Variants in CEBPZ observed in about 807,000 individuals in gnomAD.
The protein encoded by CEBPZ is CCAAT enhancer binding protein zeta.
CEBPZ carries 78 observed loss-of-function variants against 104.5 expected under a neutral mutation model. The ratio of observed to expected loss-of-function variants is 0.75; its 90% CI spans 0.62 to 0.90. The LOEUF (loss-of-function observed/expected upper bound fraction) is 0.90, where lower values mean the gene tolerates loss of function less well. Among genes scored for constraint, CEBPZ ranks in the 40% least tolerant of loss-of-function variants. The pLI, the probability that CEBPZ is intolerant of heterozygous loss-of-function variation, is 0.00. For synonymous variants in CEBPZ, 470 were observed against 427.0 expected (o/e 1.10, Z -1.24); for missense variants, 1,439 against 1,233.5 (o/e 1.17, Z -2.50).
At position 37,228,262 on chromosome 2, in the gene CEBPZ, G is replaced by C; in HGVS notation, c.931C>G (p.Pro311Ala). The C allele has an allele frequency of 6.2e-7, 1 of 1,614,162 alleles. No homozygotes were observed. The highest frequency in any genetic ancestry group is 1.7e-5 in the Admixed American group (1 of 60,006). The change falls in exon 2 of 16, where the codon CCT (proline) becomes GCT (alanine). Residue 311 changes from proline (P) to alanine (A), a missense_variant. Pro to Ala is a conservative substitution (Grantham distance 27). Coordinates refer to ENST00000234170, the MANE Select transcript of CEBPZ (RefSeq NM_005760.3). ...NRKLRIFSQR[P>A]FDKLEQLSSG... Reference sequence around the variant, plus strand: ...GACAACTGTTCCAGTTTGTCAAAAGGACGCTGGCTGAAAATCCTCAGCTTC... The same window carrying C: ...GACAACTGTTCCAGTTTGTCAAAAGCACGCTGGCTGAAAATCCTCAGCTTC...
Position 37,211,706 on chromosome 2 carries a change from G to A in CEBPZ, c.2800+137C>T, listed in dbSNP as rs187691765. On this transcript the variant is annotated intron_variant, in intron 12 of 15. Coordinates refer to ENST00000234170, the MANE Select transcript of CEBPZ (RefSeq NM_005760.3). The stretch of plus-strand genomic sequence containing the variant: ...TTCAGCTCCAAACGAGAAGGGAAAA[G>A]GTCCTTTTAAGTTTCTGGCTGACAT... 1.1e-4 allele frequency: 70 copies of A among 617,296 alleles called. 1 individual carries two copies. The East Asian group carries it at 1.9e-3, about 17-fold the overall frequency. The allele number at this position is 617,296 out of a possible 1,614,324, so 38.2% of individuals were successfully genotyped here. A position where few individuals can be genotyped will look rare whatever the true frequency, so the allele number is the denominator to read the frequency against.
Position 37,216,983 on chromosome 2 carries a change from C to T in CEBPZ, c.2208+1G>A. 1 of 1,610,372 alleles carries T rather than the reference C, an allele frequency of 6.2e-7. No individual in the cohort carries two copies. The highest frequency in any genetic ancestry group is 8.5e-7 in the Non-Finnish European group (1 of 1,176,936). ...CATCTTTGGATTTATTTTAGACTCA[C>T]CTGAAGGATGGTCTTTGCAAAAAGG... is the stretch of plus-strand genomic sequence containing the variant. On this transcript the variant is annotated splice_donor_variant, in intron 6 of 15. Coordinates refer to ENST00000234170, the MANE Select transcript of CEBPZ (RefSeq NM_005760.3). LOFTEE classifies it high-confidence loss of function.
chr2:37,228,470 C>G lies in CEBPZ; in HGVS notation c.723G>C (p.Ser241=), dbSNP rs1055340783. 7 of 1,614,120 alleles carry G rather than the reference C, an allele frequency of 4.3e-6. No individual in the cohort carries two copies. The highest frequency in any genetic ancestry group is 3.3e-5 in the South Asian group (3 of 91,062). The part of the protein sequence containing the change: ...SSTWMKAIVS[S]GTLGDRMAAM... The stretch of plus-strand genomic sequence containing the variant: ...CTGCCATCCTGTCACCTAGTGTCCC[C>G]GATGACACAATTGCCTTCATCCAGG... Residue 241 remains serine (S), a synonymous_variant, in exon 2 of 16, where the codon TCG becomes TCC. Coordinates refer to ENST00000234170, the MANE Select transcript of CEBPZ (RefSeq NM_005760.3).
chr2:37,218,329 A>T (rs962884844), intron 5 of CEBPZ, among the ~76,000 whole-genome samples: 5 of 152,214 alleles, frequency 3.3e-5, no homozygotes, highest in African/African-American at 1.2e-4. Context: ...ATATATAGCG[A>T]GTAGTATTAC....
chr2:37,216,502 T>C (rs1006041598), intron 6 of CEBPZ, 84 bp from the exon 7 acceptor site: 3 of 948,644 alleles, frequency 3.2e-6, no homozygotes, highest in Non-Finnish European at 1.7e-6. Context: ...AAAGATAATT[T>C]CTATTACACT....
chr2:37,221,230 C>G (rs147087980), intron 4 of CEBPZ, among the ~76,000 whole-genome samples: 1 of 152,082 alleles, frequency 6.6e-6, no homozygotes, highest in Non-Finnish European at 1.5e-5. Context: ...GTGGGAGGAT[C>G]GCTTGAGTTC....
intron 13 of CEBPZ, chr2:37,203,989 C>T (rs1301517838): frequency 6.6e-6 from 1 of 152,146 alleles, no homozygotes; most frequent in Non-Finnish European, 1.5e-5. Flanking sequence ...CTGCTGTGAA[C>T]AATCATGTAC....
chr2:37,227,959 T>G lies in CEBPZ; in HGVS notation c.1234A>C (p.Lys412Gln), dbSNP rs555792979. ...ACAACTCCTTTCATATTGGGATGTT[T>G]ACAAAGTAATGTCTCTAACAGATGG... ...ASHLLETLLC[K>Q]HPNMKGVVSG... The change falls in exon 2 of 16, where the codon AAA becomes CAA. Residue 412 changes from lysine to glutamine, a missense_variant. Physicochemically the swap from Lys to Gln is moderately conservative, Grantham distance 53 (BLOSUM62 1). Coordinates refer to ENST00000234170, the MANE Select transcript of CEBPZ (RefSeq NM_005760.3). 4.8e-5 allele frequency: 78 copies of G among 1,614,236 alleles called. 2 individuals are homozygous for G. The South Asian group carries it at 8.5e-4, about 17-fold the overall frequency.
rs374803346 is a variant in CEBPZ at position 37,227,780 on chromosome 2, A to G, written c.1413T>C (p.Thr471=). 2 of 1,613,872 alleles carry G rather than the reference A, an allele frequency of 1.2e-6. No individual in the cohort carries two copies. The highest frequency in any genetic ancestry group is 2.7e-5 in the African/African-American group (2 of 74,888). Residue 471 remains threonine (T), a synonymous_variant, in exon 2 of 16, where the codon ACT becomes ACC. Transcript: ENST00000234170. ...ATTCAACATCTTTTTTTTTGACACA[A>G]GTCCGAAAAAAGCAAAAGTAAACAG... is the stretch of plus-strand genomic sequence containing the variant. ...LITVYFCFFR[T]CVKKKDVESK...
chr2:37,214,416 C>T (rs182067688), intron 9 of CEBPZ, among the ~76,000 whole-genome samples: 14 of 152,100 alleles, frequency 9.2e-5, no homozygotes, highest in African/African-American at 2.7e-4. Context: ...ATTCTAAGGG[C>T]CATGGTCTGG....
At chr2:37,210,276 G>GTAC (rs1677679444) in intron 13 of CEBPZ, 1 of 151,908 alleles carries the variant, frequency 6.6e-6, no homozygotes, top group African/African-American at 2.4e-5. Context: ...CCACCACTGG[G>GTAC]TACTACCCAG....
chr2:37,217,217 C>T (rs996319073), intron 5 of CEBPZ, among the ~76,000 whole-genome samples, 180 bp from the exon 6 acceptor site: 8 of 151,812 alleles, frequency 5.3e-5, no homozygotes, highest in Non-Finnish European at 8.8e-5. Flanking sequence ...GGCAATATGG[C>T]GAAACCCCAT....
intron 1 of CEBPZ, 113 bp downstream of exon 1, chr2:37,231,299 C>G: frequency 4.9e-6 from 7 of 1,439,336 alleles, no homozygotes; most frequent in Admixed American, 3.5e-5. Flanking sequence ...AGGCTGGGAT[C>G]TCGGTCCTGG....
Position 37,212,842 on chromosome 2 carries a change from A to C in CEBPZ, c.2546-450T>G, listed in dbSNP as rs1421655419. Among the ~76,000 whole-genome samples the C allele has an allele frequency of 7.3e-5, 11 of 150,170 alleles. No individual in the cohort carries two copies. The Admixed American group carries it at 7.4e-4, about 10-fold the overall frequency. ...GCAAGACCCTATCTCTATTAAAAAA[A>C]AAAAAAAAACAAAAACAACAACAAC... is the stretch of plus-strand genomic sequence containing the variant. On this transcript the variant is annotated intron_variant, in intron 10 of 15. Transcript: ENST00000234170.
chr2:37,216,112 G>C (rs1307002067), intron 8 of CEBPZ, 28 bp downstream of exon 8: 2 of 1,522,084 alleles, frequency 1.3e-6, no homozygotes, highest in Admixed American at 1.8e-5. Flanking sequence ...TGTCTTTTCA[G>C]TTTCAACTGT....
intron 4 of CEBPZ, among the ~76,000 whole-genome samples, chr2:37,221,371 T>C (rs1664767908): frequency 6.6e-6 from 1 of 152,078 alleles, no homozygotes; most frequent in Non-Finnish European, 1.5e-5. Context: ...CTTTCCTAAA[T>C]GGCAACAAAA....
At chr2:37,213,578 A>AT (rs1438988884) in intron 10 of CEBPZ, 3 of 243,894 alleles carry the variant, frequency 1.2e-5, no homozygotes, top group Admixed American at 1.1e-4. Flanking sequence ...TGCCCAGCTC[A>AT]TTTTTTGGGG....
chr2:37,217,344 T>G (rs1381899212), intron 5 of CEBPZ, among the ~76,000 whole-genome samples: 1 of 152,184 alleles, frequency 6.6e-6, no homozygotes, highest in Admixed American at 6.5e-5. Flanking sequence ...GAGGCTGCAG[T>G]GAGCTGACAT....
intron 13 of CEBPZ, chr2:37,203,995 T>C (rs1251169063): frequency 2.6e-5 from 4 of 152,238 alleles, no homozygotes; most frequent in African/African-American, 7.2e-5. Flanking sequence ...TGAACAATCA[T>C]GTACAAGTCT....
Sources: gnomAD v4.1 joint callset for allele counts (sites outside exome capture counted in the v4.1 genomes callset) on GRCh38, gnomAD v4.1.1 for gene constraint, MANE v1.5 for transcripts, NCBI Gene and HGNC (gene_info 2026-07-23, HGNC 2026-07-21) for gene names.